Variants in ZNF22 observed in about 807,000 individuals in gnomAD.
ZNF22 encodes krox-26 protein.
A neutral mutation model predicts 17.0 loss-of-function variants in ZNF22; 15 were observed. The observed-to-expected ratio is 0.88, with a 90% CI of 0.59 to 1.36. The LOEUF is 1.36. Among genes scored for constraint, ZNF22 ranks in the 40% most tolerant of loss-of-function variants. The pLI is 0.00. For missense variants in ZNF22, 272 were observed against 276.1 expected (o/e 0.98, Z 0.11); for synonymous variants, 84 against 90.7 (o/e 0.93, Z 0.42).
At chr10:45,001,757 T>G (rs1842335152) in intron 1 of ZNF22, among the ~76,000 whole-genome samples, 1 of 152,208 alleles carries the variant, frequency 6.6e-6, no homozygotes, top group Non-Finnish European at 1.5e-5. Flanking sequence ...AGTTACACAG[T>G]GTCTGGCACA....
chr10:45,001,886 A>G (rs1842336422), intron 1 of ZNF22, among the ~76,000 whole-genome samples: 1 of 151,416 alleles, frequency 6.6e-6, no homozygotes, highest in African/African-American at 2.4e-5. Flanking sequence ...TAGTTATTAA[A>G]AAAAAAAAAA....
At position 45,003,744 on chromosome 10, in the gene ZNF22, C is replaced by A. The variant is rs1346714248; in HGVS notation, c.376C>A (p.Leu126Ile). 1 of 1,614,074 alleles carries A rather than the reference C, an allele frequency of 6.2e-7. No individual in the cohort carries two copies. Among genetic ancestry groups the A allele is most frequent in the African/African-American group, 1.3e-5 (1 of 74,930 alleles). ...CGESFKQSSN[L>I]IQHQRIHTGE... ...AGAAAGCTTCAAACAGAGCTCAAAT[C>A]TCATTCAGCACCAGAGAATTCATAC... The change falls in exon 2 of 2, where the codon CTC becomes ATC. Residue 126 changes from leucine (L) to isoleucine (I), a missense_variant. Leu to Ile is a conservative substitution (Grantham distance 5, BLOSUM62 2). Transcript: ENST00000298299.
rs1475386419 is a variant in ZNF22 at position 45,003,486 on chromosome 10, G to T, written c.118G>T (p.Asp40Tyr). ...RQKWGMTIRF[D>Y]SSFSRLRRSL... ...GAAGTGGGGCATGACTATTCGATTTGACTCAAGCTTCAGTAGACTCAGAAG... is the reference window on the plus strand; with the variant it reads ...GAAGTGGGGCATGACTATTCGATTTTACTCAAGCTTCAGTAGACTCAGAAG... The change falls in exon 2 of 2, where the codon GAC becomes TAC. Residue 40 changes from aspartate to tyrosine, a missense_variant. By Grantham distance (160) the Asp-to-Tyr change is radical. Coordinates refer to ENST00000298299, the MANE Select transcript of ZNF22 (RefSeq NM_006963.5). The T allele has an allele frequency of 6.2e-7, 1 of 1,614,100 alleles. No individual in the cohort carries two copies. The highest frequency in any genetic ancestry group is 8.5e-7 in the Non-Finnish European group (1 of 1,180,052).
At position 45,003,583 on chromosome 10, in the gene ZNF22, A is replaced by C; in HGVS notation, c.215A>C (p.Gln72Pro). The C allele has an allele frequency of 6.2e-7, 1 of 1,614,176 alleles. No homozygotes were observed. The highest frequency in any genetic ancestry group is 8.5e-7 in the Non-Finnish European group (1 of 1,180,010). ...KSFSQSSTLF[Q>P]HQKIHTGKKS... ...TTCAGTCAGAGTTCAACTCTTTTTC[A>C]ACACCAGAAGATCCATACTGGAAAG... is the stretch of plus-strand genomic sequence containing the variant. The change falls in exon 2 of 2, where the codon CAA (glutamine) becomes CCA (proline). Residue 72 changes from glutamine (Q) to proline (P), a missense_variant. By Grantham distance (76) the Gln-to-Pro change is moderately conservative. Transcript: ENST00000298299.
At position 45,004,826 on chromosome 10, in the gene ZNF22, T is replaced by A. The variant is rs1401869812; in HGVS notation, c.*783T>A. 6.0e-6 allele frequency: 1 copy of A among 167,130 alleles called. No individual in the cohort carries two copies. The highest frequency in any genetic ancestry group is 6.5e-5 in the Admixed American group (1 of 15,290). The allele number at this position is 167,130 out of a possible 1,614,324, so 10.4% of individuals were successfully genotyped here. On this transcript the variant is annotated 3_prime_UTR_variant, in exon 2 of 2. Coordinates refer to ENST00000298299, the MANE Select transcript of ZNF22 (RefSeq NM_006963.5). ...GCTGTGTCGTTTGTTTTCCACAAGTTGGGATGGATTCATGTCGATACATCC... is the reference window on the plus strand; with the variant it reads ...GCTGTGTCGTTTGTTTTCCACAAGTAGGGATGGATTCATGTCGATACATCC...
Position 45,004,298 on chromosome 10 carries a change from C to T in ZNF22, c.*255C>T, listed in dbSNP as rs1347553167. The T allele has an allele frequency of 5.3e-6, 2 of 378,390 alleles. No individual in the cohort carries two copies. The highest frequency in any genetic ancestry group is 4.9e-6 in the Non-Finnish European group (1 of 204,524). 23.4% of individuals were successfully genotyped at this position (378,390 alleles called of 1,614,324 possible). A position where few individuals can be genotyped will look rare whatever the true frequency, so the allele number is the denominator to read the frequency against. On this transcript the variant is annotated 3_prime_UTR_variant, in exon 2 of 2. Transcript: ENST00000298299. ...GAAAATATGTTTTGAGGGAGCATGA[C>T]ATCCTTGACCTCATTTGAAATTACT...
At chr10:45,001,061 GGGCGGCGCGGGCCCGGGCGAT>G (rs1842324532) in intron 1 of ZNF22, 83 bp downstream of exon 1, 1 of 174,492 alleles carries the variant, frequency 5.7e-6, no homozygotes, top group African/African-American at 2.4e-5. Context: ...GCCGCAACGA[GGGCGGCGCGGGCCCGGGCGAT>G]GGCGTGGCTT....
In ZNF22 at chr10:45,004,133, T is replaced by C; in HGVS notation, c.*90T>C. ...GAATCTTTTTTAGAAATAGAGATGCTTTATAGTAGATCACTTAAATACTGG... is the reference window on the plus strand; with the variant it reads ...GAATCTTTTTTAGAAATAGAGATGCCTTATAGTAGATCACTTAAATACTGG... On this transcript the variant is annotated 3_prime_UTR_variant, in exon 2 of 2. Coordinates refer to ENST00000298299, the MANE Select transcript of ZNF22 (RefSeq NM_006963.5). 7.5e-7 allele frequency: 1 copy of C among 1,336,874 alleles called. No homozygotes were observed. The highest frequency in any genetic ancestry group is 1.5e-5 in the South Asian group (1 of 66,140). 82.8% of individuals were successfully genotyped at this position (1,336,874 alleles called of 1,614,324 possible).
At chr10:45,001,468 C>T (rs1016636262) in intron 1 of ZNF22, among the ~76,000 whole-genome samples, 6 of 152,230 alleles carry the variant, frequency 3.9e-5, no homozygotes, top group Non-Finnish European at 8.8e-5. Flanking sequence ...GAAACTGAGG[C>T]ACATTCCAGT....
Position 45,005,079 on chromosome 10 carries a change from T to C in ZNF22, c.*1036T>C, listed in dbSNP as rs1842363369. 1 of 166,984 alleles carries C rather than the reference T, an allele frequency of 6.0e-6. No individual in the cohort carries two copies. Among genetic ancestry groups the C allele is most frequent in the Non-Finnish European group, 1.5e-5 (1 of 68,128 alleles). 10.3% of individuals were successfully genotyped at this position (166,984 alleles called of 1,614,324 possible). Reference sequence around the variant, plus strand: ...AGAGTCGTAATGTGTCAGTACATTGTAGCTCCTTTGAAATTTAACTCTTTC... The same window carrying C: ...AGAGTCGTAATGTGTCAGTACATTGCAGCTCCTTTGAAATTTAACTCTTTC... On this transcript the variant is annotated 3_prime_UTR_variant, in exon 2 of 2. Coordinates refer to ENST00000298299, the MANE Select transcript of ZNF22 (RefSeq NM_006963.5).
chr10:45,001,442 C>T (rs530434951), intron 1 of ZNF22, among the ~76,000 whole-genome samples: 1 of 152,364 alleles, frequency 6.6e-6, no homozygotes, highest in East Asian at 1.9e-4. Context: ...TATCATTACC[C>T]TCCCCATTTT....
chr10:45,003,298 C>A lies in ZNF22; in HGVS notation c.-71C>A. ...CACACAGAAAATTCTGAGCTGTACA[C>A]CTCTAGGAAATGAAACACTAGTTCA... On this transcript the variant is annotated 5_prime_UTR_variant, in exon 2 of 2. Coordinates refer to ENST00000298299, the MANE Select transcript of ZNF22 (RefSeq NM_006963.5). 1 of 1,457,218 alleles carries A rather than the reference C, an allele frequency of 6.9e-7. No homozygotes were observed. The highest frequency in any genetic ancestry group is 9.2e-7 in the Non-Finnish European group (1 of 1,082,994). 90.3% of individuals were successfully genotyped at this position (1,457,218 alleles called of 1,614,324 possible).
At chr10:45,001,927 T>C (rs928732854) in intron 1 of ZNF22, among the ~76,000 whole-genome samples, 8 of 151,664 alleles carry the variant, frequency 5.3e-5, no homozygotes, top group Non-Finnish European at 8.8e-5. Flanking sequence ...CCTAACACAA[T>C]GTCTCCTGTG....
rs371341940 is a variant in ZNF22 at position 45,003,477 on chromosome 10, A to G, written c.109A>G (p.Ile37Val). The change falls in exon 2 of 2, where the codon ATT (isoleucine) becomes GTT (valine). Residue 37 changes from isoleucine to valine, a missense_variant. Transcript: ENST00000298299. ...GCAGCGGCAGAAGTGGGGCATGACT[A>G]TTCGATTTGACTCAAGCTTCAGTAG... is the stretch of plus-strand genomic sequence containing the variant. Reference protein sequence around the residue: ...GRQRQKWGMTIRFDSSFSRLR... With the variant: ...GRQRQKWGMTVRFDSSFSRLR... The G allele has an allele frequency of 6.3e-5, 102 of 1,614,160 alleles. No homozygotes were observed. Among genetic ancestry groups the G allele is most frequent in the Admixed American group, 8.3e-5 (5 of 60,010 alleles).
chr10:45,001,191 G>T (rs1443684948), intron 1 of ZNF22, among the ~76,000 whole-genome samples: 1 of 150,972 alleles, frequency 6.6e-6, no homozygotes, highest in Non-Finnish European at 1.5e-5. Context: ...GGCGGGCCGG[G>T]TCAATGAGGA....
rs995824645 is a variant in ZNF22 at position 45,004,210 on chromosome 10, A to G, written c.*167A>G. The G allele has an allele frequency of 2.1e-5, 15 of 728,184 alleles. No individual in the cohort carries two copies. In the Admixed American group the frequency reaches 5.3e-4, roughly 26 times the overall value. The allele number at this position is 728,184 out of a possible 1,614,324, so 45.1% of individuals were successfully genotyped here. ...GAATTTAATGACATTATTGAGCTGA[A>G]AGAAATTACATGAGTCCAGCTACCC... On this transcript the variant is annotated 3_prime_UTR_variant, in exon 2 of 2. Transcript: ENST00000298299.
chr10:45,003,457 G>A lies in ZNF22; in HGVS notation c.89G>A (p.Arg30Gln), dbSNP rs201002672. 1.4e-5 allele frequency: 23 copies of A among 1,614,218 alleles called. No individual in the cohort carries two copies. Among genetic ancestry groups the A allele is most frequent in the South Asian group, 1.2e-4 (11 of 91,088 alleles). Residue 30 changes from arginine (R) to glutamine (Q), a missense_variant, in exon 2 of 2, where the codon CGG (arginine) becomes CAG (glutamine). Transcript: ENST00000298299. ...AACAAGCGCAAAACAGGCCGGCAGC[G>A]GCAGAAGTGGGGCATGACTATTCGA... is the stretch of plus-strand genomic sequence containing the variant. ...YENKRKTGRQ[R>Q]QKWGMTIRFD...
Position 45,003,290 on chromosome 10 carries a change from G to C in ZNF22, c.-79G>C. ...TCCTTCTACACACAGAAAATTCTGAGCTGTACACCTCTAGGAAATGAAACA... is the reference window on the plus strand; with the variant it reads ...TCCTTCTACACACAGAAAATTCTGACCTGTACACCTCTAGGAAATGAAACA... On this transcript the variant is annotated 5_prime_UTR_variant, in exon 2 of 2. Coordinates refer to ENST00000298299, the MANE Select transcript of ZNF22 (RefSeq NM_006963.5). 2 of 1,399,838 alleles carry C rather than the reference G, an allele frequency of 1.4e-6. No homozygotes were observed. The highest frequency in any genetic ancestry group is 1.9e-6 in the Non-Finnish European group (2 of 1,041,246). The allele number at this position is 1,399,838 out of a possible 1,614,324, so 86.7% of individuals were successfully genotyped here. A position where few individuals can be genotyped will look rare whatever the true frequency, so the allele number is the denominator to read the frequency against.
At position 45,003,438 on chromosome 10, in the gene ZNF22, C is replaced by A. The variant is rs759491314; in HGVS notation, c.70C>A (p.Arg24Ser). 1 of 1,614,174 alleles carries A rather than the reference C, an allele frequency of 6.2e-7. No homozygotes were observed. The highest frequency in any genetic ancestry group is 8.5e-7 in the Non-Finnish European group (1 of 1,180,040). Reference protein sequence around the residue: ...SSQGKAYENKRKTGRQRQKWG... With the variant: ...SSQGKAYENKSKTGRQRQKWG... ...CCAAGGAAAGGCCTATGAGAACAAG[C>A]GCAAAACAGGCCGGCAGCGGCAGAA... Residue 24 changes from arginine to serine, a missense_variant, in exon 2 of 2, where the codon CGC (arginine) becomes AGC (serine). Arg to Ser is a moderately radical substitution (Grantham distance 110). Transcript: ENST00000298299.
Sources: gnomAD v4.1 joint callset for allele counts (sites outside exome capture counted in the v4.1 genomes callset) on GRCh38, gnomAD v4.1.1 for gene constraint, MANE v1.5 for transcripts, NCBI Gene and HGNC (gene_info 2026-07-23, HGNC 2026-07-21) for gene names.